The following TGFBRAP1 variants were observed in gnomAD, a reference collection of about 807,000 sequenced individuals.
TGFBRAP1 encodes transforming growth factor-beta receptor-associated protein 1.
TGFBRAP1 carries 20 observed loss-of-function variants against 83.2 expected under a neutral mutation model. The ratio of observed to expected loss-of-function variants is 0.24; its 90% CI spans 0.17 to 0.35. The LOEUF is 0.35. TGFBRAP1 is among the 10% of genes least tolerant of loss of function. The pLI is 1.00. For synonymous variants in TGFBRAP1, 415 were observed against 459.8 expected (o/e 0.90, Z 1.25); for missense variants, 950 against 1,099.4 (o/e 0.86, Z 1.92).
chr2:105,302,724 G>A (rs1678342691), intron 2 of TGFBRAP1, among the ~76,000 whole-genome samples: 1 of 152,194 alleles, frequency 6.6e-6, no homozygotes, highest in Non-Finnish European at 1.5e-5. Context: ...ATATCTTGCT[G>A]TATCCGTCTG....
At chr2:105,314,672 G>T (rs1678796609) in intron 1 of TGFBRAP1, among the ~76,000 whole-genome samples, 1 of 151,962 alleles carries the variant, frequency 6.6e-6, no homozygotes, top group Non-Finnish European at 1.5e-5. Context: ...AAACAGGCAG[G>T]GTTTGGTGTC....
the TGFBRAP1 span, among the ~76,000 whole-genome samples, chr2:105,254,436 C>T: frequency 6.6e-6 from 1 of 152,092 alleles, no homozygotes. Flanking sequence ...TATTCAAGAA[C>T]TTTGCAGTTT....
At position 105,269,582 on chromosome 2, in the gene TGFBRAP1, T is replaced by G; in HGVS notation, c.2096A>C (p.Tyr699Ser). 6.2e-7 allele frequency: 1 copy of G among 1,610,830 alleles called. No homozygotes were observed. Among genetic ancestry groups the G allele is most frequent in the East Asian group, 2.2e-5 (1 of 44,748 alleles). Residue 699 changes from tyrosine to serine, a missense_variant, in exon 11 of 12, where the codon TAC (tyrosine) becomes TCC (serine). Tyr to Ser is a moderately radical substitution (Grantham distance 144). Coordinates refer to ENST00000393359, the MANE Select transcript of TGFBRAP1 (RefSeq NM_004257.6). The surrounding 1 kb of genome is among the most constrained non-coding windows in gnomAD (Gnocchi z 4.1). ...TCGGCCCTCGGAGCACCACAGGCAG[T>G]AGTCCTCGGCCGCTGCAAAGTCCTG... ...ELQDFAAAED[Y>S]CLWCSEGRDP...
intron 5 of TGFBRAP1, among the ~76,000 whole-genome samples, chr2:105,281,986 C>T (rs1028116998): frequency 4.6e-5 from 7 of 152,114 alleles, no homozygotes; most frequent in East Asian, 3.8e-4. Flanking sequence ...TGGCTCAAAA[C>T]GTCTACAGTG....
intron 3 of TGFBRAP1, 66 bp downstream of exon 3, chr2:105,298,445 A>G: frequency 6.7e-7 from 1 of 1,500,624 alleles, no homozygotes; most frequent in Non-Finnish European, 9.0e-7. Context: ...CCTAAATGAT[A>G]TTTACCGAAG....
intron 1 of TGFBRAP1, among the ~76,000 whole-genome samples, chr2:105,318,354 C>G (rs1866041): frequency 0.55 from 83,578 of 152,030 alleles, 23,734 homozygotes; most frequent in East Asian, 0.73. Context: ...AGATTCCCAA[C>G]GGTCAGTAAT....
chr2:105,279,627 TTATC>T (rs1205880676), intron 6 of TGFBRAP1, among the ~76,000 whole-genome samples: 1 of 123,072 alleles, frequency 8.1e-6, no homozygotes, highest in African/African-American at 2.6e-5. Flanking sequence ...TTGAATCTGT[TTATC>T]TAGCTATCTA....
intron 1 of TGFBRAP1, among the ~76,000 whole-genome samples, chr2:105,328,856 G>A (rs1043081695): frequency 6.6e-6 from 1 of 152,168 alleles, no homozygotes; most frequent in Non-Finnish European, 1.5e-5. Context: ...AACAGTCCTT[G>A]GGTAGAAGCC....
At chr2:105,306,045 T>C (rs1297094890) in intron 2 of TGFBRAP1, among the ~76,000 whole-genome samples, 3 of 144,358 alleles carry the variant, frequency 2.1e-5, no homozygotes, top group African/African-American at 2.7e-5. Flanking sequence ...CGGAGTTTTC[T>C]GGTTTTTTGT....
chr2:105,269,476 G>C lies in TGFBRAP1; in HGVS notation c.2202C>G (p.Ala734=). The stretch of plus-strand genomic sequence containing the variant: ...GGTTCAGCAGGTCCACGGCAGCCAC[G>C]GCCAGCTCGTGGGCAGTGGGGCCAG... ...LHAGPTAHEL[A]VAAVDLLNRH... Residue 734 remains alanine (A), a synonymous_variant, in exon 11 of 12, where the codon GCC becomes GCG. Coordinates refer to ENST00000393359, the MANE Select transcript of TGFBRAP1 (RefSeq NM_004257.6). This position sits in a 1 kb window ranked among gnomAD's most constrained non-coding sequence, Gnocchi z 4.1. 2 of 1,613,358 alleles carry C rather than the reference G, an allele frequency of 1.2e-6. No homozygotes were observed. Among genetic ancestry groups the C allele is most frequent in the South Asian group, 2.2e-5 (2 of 90,998 alleles).
chr2:105,315,714 GA>G (rs1485681946), intron 1 of TGFBRAP1, among the ~76,000 whole-genome samples: 1 of 152,190 alleles, frequency 6.6e-6, no homozygotes, highest in Non-Finnish European at 1.5e-5. Flanking sequence ...AAATGTTAAT[GA>G]GGATGTAGAA....
intron 3 of TGFBRAP1, 76 bp downstream of exon 3, chr2:105,298,434 TC>T: frequency 6.8e-7 from 1 of 1,471,808 alleles, no homozygotes; most frequent in Non-Finnish European, 9.2e-7. Flanking sequence ...AAGGCCCAGT[TC>T]CTAAATGATA....
intron 4 of TGFBRAP1, among the ~76,000 whole-genome samples, chr2:105,291,142 T>C (rs891611653): frequency 1.1e-4 from 17 of 152,108 alleles, no homozygotes; most frequent in Non-Finnish European, 2.2e-4. Flanking sequence ...TTAGGAGGTG[T>C]AGTCTTGGGG....
chr2:105,268,875 C>A (rs11891032), intron 11 of TGFBRAP1, among the ~76,000 whole-genome samples: 5,196 of 152,328 alleles, frequency 0.034, 286 homozygotes, highest in African/African-American at 0.12. Flanking sequence ...CCTCAATTTC[C>A]TCTCCTGTGA....
intron 9 of TGFBRAP1, 118 bp from the exon 10 acceptor site, chr2:105,273,132 T>C: frequency 7.8e-7 from 1 of 1,281,826 alleles, no homozygotes. Context: ...GCTGGGCAGA[T>C]GCTCACTTGC....
At chr2:105,273,227 A>G (rs2250659) in intron 9 of TGFBRAP1, among the ~76,000 whole-genome samples, 120,140 of 151,776 alleles carry the variant, frequency 0.79, 47,720 homozygotes, top group African/African-American at 0.84. Flanking sequence ...CTCTTATTTC[A>G]AGAAGTAAGG....
intron 2 of TGFBRAP1, among the ~76,000 whole-genome samples, chr2:105,301,288 A>G (rs1374148923): frequency 2.6e-5 from 4 of 152,170 alleles, no homozygotes; most frequent in Admixed American, 2.6e-4. Context: ...ACTCTTCAGT[A>G]TAAGAAATGA....
At chr2:105,262,816 G>T (rs913613597), downstream of TGFBRAP1, among the ~76,000 whole-genome samples, 1 of 152,192 alleles carries the variant, frequency 6.6e-6, no homozygotes, top group Non-Finnish European at 1.5e-5. Flanking sequence ...GCAAGCTAAG[G>T]AAAAGTAGGC....
chr2:105,257,018 T>A, the TGFBRAP1 span, among the ~76,000 whole-genome samples: 1 of 152,314 alleles, frequency 6.6e-6, no homozygotes, highest in East Asian at 1.9e-4. Flanking sequence ...GAGGCATGAA[T>A]AATCCACCCC....
Sources: gnomAD v4.1 joint callset for allele counts (sites outside exome capture counted in the v4.1 genomes callset) on GRCh38, gnomAD v4.1.1 for gene constraint, Gnocchi (gnomAD v3.1) non-coding constraint, MANE v1.5 for transcripts, NCBI Gene and HGNC (gene_info 2026-07-23, HGNC 2026-07-21) for gene names.